ANO4: variants seen among roughly 807,000 people sequenced by gnomAD.
The protein encoded by ANO4 is anoctamin-4.
Under a neutral mutation model 141.9 loss-of-function variants are expected in ANO4, and 69 were observed. That is an observed-to-expected ratio of 0.49 (90% CI 0.40 to 0.59). The LOEUF is 0.59. Among genes scored for constraint, ANO4 ranks in the 20% least tolerant of loss-of-function variants. The pLI is 0.00. For missense variants in ANO4, 894 were observed against 1,162.2 expected, an observed-to-expected ratio of 0.77 and a Z score of 3.36; for synonymous variants, 350 against 394.3, an observed-to-expected ratio of 0.89 and a Z score of 1.33.
intron 3 of ANO4, among the ~76,000 whole-genome samples, chr12:100,740,827 A>T (rs573112541): frequency 1.3e-5 from 2 of 152,220 alleles, no homozygotes; most frequent in Non-Finnish European, 2.9e-5. Context: ...ATTTATATAT[A>T]AGGTTTTCCT....
chr12:100,956,308 C>T (rs2043173115), intron 5 of ANO4, among the ~76,000 whole-genome samples: 1 of 152,312 alleles, frequency 6.6e-6, no homozygotes, highest in South Asian at 2.1e-4. Context: ...TGTTACTGCT[C>T]ACTAGAGTAC....
intron 1 of ANO4, among the ~76,000 whole-genome samples, chr12:100,806,012 C>A (rs902612091): frequency 2.6e-5 from 4 of 152,084 alleles, no homozygotes; most frequent in Non-Finnish European, 5.9e-5. Context: ...TGTTCTTTTT[C>A]TCTGTTGCCA....
intron 2 of ANO4, among the ~76,000 whole-genome samples, chr12:100,915,425 C>G (rs978666125): frequency 2.6e-5 from 4 of 152,164 alleles, no homozygotes; most frequent in Non-Finnish European, 5.9e-5. Context: ...AAGCTCAGCT[C>G]TAGCAACAGT....
At chr12:100,765,174 T>C (rs949539433) in intron 3 of ANO4, among the ~76,000 whole-genome samples, 1 of 152,228 alleles carries the variant, frequency 6.6e-6, no homozygotes, top group Non-Finnish European at 1.5e-5. Context: ...TTCTTCATGA[T>C]TCAGTCTTGG....
intron 14 of ANO4, chr12:101,068,378 G>T (rs1203498557): frequency 3.9e-6 from 4 of 1,028,088 alleles, no homozygotes; most frequent in Non-Finnish European, 6.2e-6. Context: ...GACCAAAGAA[G>T]AATTTGCCAA....
chr12:101,097,207 G>C (rs2050020172), intron 19 of ANO4, among the ~76,000 whole-genome samples: 1 of 151,980 alleles, frequency 6.6e-6, no homozygotes, highest in Non-Finnish European at 1.5e-5. Context: ...ACCAGGTATA[G>C]GGTTTTGGTG....
At chr12:101,095,398 G>T (rs1234408933) in intron 18 of ANO4, among the ~76,000 whole-genome samples, 1 of 152,150 alleles carries the variant, frequency 6.6e-6, no homozygotes, top group Non-Finnish European at 1.5e-5. Flanking sequence ...GTACAGTCCT[G>T]GTCCATCCAC....
chr12:100,761,361 A>T (rs538244438), intron 3 of ANO4, among the ~76,000 whole-genome samples: 28 of 152,338 alleles, frequency 1.8e-4, no homozygotes, highest in Admixed American at 1.7e-3. Context: ...GGCTCAGCAC[A>T]TACTCACAGC....
intron 8 of ANO4, among the ~76,000 whole-genome samples, chr12:101,002,498 C>T (rs1031819606): frequency 6.6e-6 from 1 of 152,236 alleles, no homozygotes; most frequent in Admixed American, 6.5e-5. Context: ...CCTTCTCCCC[C>T]CAGCCTTTTG....
chr12:101,109,635 A>G (rs139782212), intron 22 of ANO4, among the ~76,000 whole-genome samples: 2 of 152,308 alleles, frequency 1.3e-5, no homozygotes, highest in Non-Finnish European at 2.9e-5. Context: ...CTGTTTTGTA[A>G]TTAGTAAAAG....
rs1487699700 is a variant in ANO4, at chr12:101,104,609, GTGTGTGTATGTATGTGTGTATATA to G, written c.2149+4891_2149+4914del. Reference sequence around the variant, plus strand: ...AATATATATATGTGTGTGTGTGTGTGTGTGTGTATGTATGTGTGTATATATATATATATATATATATATATATAT... The same window carrying G: ...AATATATATATGTGTGTGTGTGTGTGTATATATATATATATATATATATAT... On this transcript the variant is annotated intron_variant, in intron 22 of 27. Coordinates refer to ENST00000392977, the MANE Select transcript of ANO4 (RefSeq NM_001286615.2). Among the ~76,000 whole-genome samples the G allele has an allele frequency of 3.6e-3, 252 of 69,892 alleles. 1 individual carries two copies. Among genetic ancestry groups the G allele is most frequent in the Non-Finnish European group, 4.1e-3 (171 of 42,016 alleles). 45.9% of individuals were successfully genotyped at this position (69,892 alleles called of 152,430 possible).
At chr12:100,931,490 G>A (rs2042086490) in intron 3 of ANO4, among the ~76,000 whole-genome samples, 1 of 152,104 alleles carries the variant, frequency 6.6e-6, no homozygotes, top group Non-Finnish European at 1.5e-5. Flanking sequence ...GGTCTGAATT[G>A]AATGAAAATT....
chr12:100,797,906 A>T (rs1228315972), intron 1 of ANO4, among the ~76,000 whole-genome samples: 1 of 152,224 alleles, frequency 6.6e-6, no homozygotes, highest in Non-Finnish European at 1.5e-5. Flanking sequence ...CTTTTCTTTT[A>T]GTAACCAAAC....
chr12:100,729,779 C>T (rs919291948), intron 1 of ANO4, among the ~76,000 whole-genome samples: 3 of 152,172 alleles, frequency 2.0e-5, no homozygotes, highest in Non-Finnish European at 4.4e-5. Flanking sequence ...CATCACTTTG[C>T]ACTTGGCAAT....
At chr12:101,004,613 T>C (rs2045795659) in intron 8 of ANO4, among the ~76,000 whole-genome samples, 1 of 152,104 alleles carries the variant, frequency 6.6e-6, no homozygotes, top group Non-Finnish European at 1.5e-5. Flanking sequence ...CATTGTATTA[T>C]AGAAAAGAGT....
At chr12:101,085,081 G>A (rs2049430850) in intron 16 of ANO4, among the ~76,000 whole-genome samples, 1 of 152,192 alleles carries the variant, frequency 6.6e-6, no homozygotes, top group Non-Finnish European at 1.5e-5. Context: ...ACTTGTACTT[G>A]AGCTTTTAGA....
At chr12:100,875,725 G>T (rs1194151207) in intron 1 of ANO4, among the ~76,000 whole-genome samples, 2 of 152,132 alleles carry the variant, frequency 1.3e-5, no homozygotes, top group Non-Finnish European at 1.5e-5. Flanking sequence ...ATTTGCTGAT[G>T]GACTGAATCT....
chr12:100,984,279 T>A (rs935189608), intron 7 of ANO4, among the ~76,000 whole-genome samples: 8 of 152,158 alleles, frequency 5.3e-5, no homozygotes, highest in African/African-American at 1.7e-4. Flanking sequence ...GTATTTTTAG[T>A]AGAGATGGGG....
intron 23 of ANO4, among the ~76,000 whole-genome samples, 198 bp downstream of exon 23, chr12:101,110,754 C>A (rs1051038216): frequency 6.6e-6 from 1 of 152,038 alleles, no homozygotes; most frequent in Non-Finnish European, 1.5e-5. Flanking sequence ...TTATAATTTC[C>A]AGTGCTAGAG....
Sources: allele counts gnomAD v4.1 joint callset (sites outside exome capture counted in the v4.1 genomes callset), GRCh38; gene constraint gnomAD v4.1.1; transcripts MANE v1.5; gene names NCBI Gene and HGNC (gene_info 2026-07-23, HGNC 2026-07-21).